Variants in SLC13A1 observed in about 807,000 individuals in gnomAD.
SLC13A1 encodes Na(+)/sulfate cotransporter.
A neutral mutation model predicts 70.0 loss-of-function variants in SLC13A1; 65 were observed. The observed-to-expected ratio is 0.93, with a 90% CI of 0.76 to 1.14. The LOEUF (loss-of-function observed/expected upper bound fraction) is 1.14. Ranked by LOEUF, SLC13A1 falls within the 50% of genes most tolerant of loss-of-function variation. SLC13A1 has a pLI of 0.00. For missense variants in SLC13A1, 726 were observed against 717.8 expected, an observed-to-expected ratio of 1.01 and a Z score of -0.13; for synonymous variants, 275 against 250.5, an observed-to-expected ratio of 1.10 and a Z score of -0.92.
chr7:123,173,852 T>A (rs571396923), intron 2 of SLC13A1, among the ~76,000 whole-genome samples: 3 of 152,046 alleles, frequency 2.0e-5, no homozygotes, highest in Non-Finnish European at 4.4e-5. Context: ...TGAGCTCTTA[T>A]ATCCCAATTT....
chr7:123,170,191 C>A (rs536071620), intron 3 of SLC13A1, among the ~76,000 whole-genome samples: 6 of 152,108 alleles, frequency 3.9e-5, no homozygotes, highest in Non-Finnish European at 8.8e-5. Flanking sequence ...ATGAAATAAT[C>A]TGACACCCTT....
chr7:123,181,518 T>A (rs1309759952), intron 1 of SLC13A1, among the ~76,000 whole-genome samples: 2 of 152,102 alleles, frequency 1.3e-5, no homozygotes, highest in African/African-American at 2.4e-5. Context: ...ATGCATTCCT[T>A]GGTGCCTGGT....
At chr7:123,137,471 C>T (rs1162587284) in intron 7 of SLC13A1, among the ~76,000 whole-genome samples, 2 of 152,172 alleles carry the variant, frequency 1.3e-5, no homozygotes, top group Non-Finnish European at 2.9e-5. Context: ...AAGAGAGTTT[C>T]CTGCTGGCCT....
Position 123,136,010 on chromosome 7 carries a change from G to T in SLC13A1, c.813-1481C>A, listed in dbSNP as rs556383227. Among the ~76,000 whole-genome samples, 3 of 152,262 alleles carry T rather than the reference G, an allele frequency of 2.0e-5. No homozygotes were observed. In the South Asian group the frequency reaches 6.2e-4, roughly 32 times the overall value. Reference sequence around the variant, plus strand: ...CTCCAATTGGAAAATAAAGTAATGGGAGAAAAGCTGATTTCCCATTAACAT... The same window carrying T: ...CTCCAATTGGAAAATAAAGTAATGGTAGAAAAGCTGATTTCCCATTAACAT... On this transcript the variant is annotated intron_variant, in intron 7 of 14. Coordinates refer to ENST00000194130, the MANE Select transcript of SLC13A1 (RefSeq NM_022444.4).
chr7:123,117,535 A>G lies in SLC13A1; in HGVS notation c.1586T>C (p.Leu529Pro). 1 of 1,612,270 alleles carries G rather than the reference A, an allele frequency of 6.2e-7. No homozygotes were observed. The highest frequency in any genetic ancestry group is 8.5e-7 in the Non-Finnish European group (1 of 1,178,434). ...STLCTSFAFLLPVANPPNAIV... is the reference protein window; with the variant it reads ...STLCTSFAFLPPVANPPNAIV... The stretch of plus-strand genomic sequence containing the variant: ...AGCATTGGGTGGATTTGCTACTGGT[A>G]GGAGGAATGCAAATGAAGTACACAG... The change falls in exon 14 of 15, where the codon CTA (leucine) becomes CCA (proline). Residue 529 changes from leucine (L) to proline (P), a missense_variant. Physicochemically the swap from Leu to Pro is moderately conservative, Grantham distance 98 (BLOSUM62 -3). Transcript: ENST00000194130.
intron 11 of SLC13A1, among the ~76,000 whole-genome samples, chr7:123,125,057 C>G (rs760172185): frequency 7.2e-5 from 11 of 152,128 alleles, no homozygotes; most frequent in Non-Finnish European, 1.2e-4. Flanking sequence ...GCTGTGATTG[C>G]AGGTGTGAGC....
chr7:123,169,980 A>G (rs919685142), intron 3 of SLC13A1, among the ~76,000 whole-genome samples: 1 of 152,290 alleles, frequency 6.6e-6, no homozygotes, highest in African/African-American at 2.4e-5. Flanking sequence ...TATTGTCAAG[A>G]TCTGGACACA....
chr7:123,125,600 T>C lies in SLC13A1; in HGVS notation c.1209A>G (p.Thr403=). The change falls in exon 11 of 15, where the codon ACA becomes ACG. Residue 403 remains threonine (T), a synonymous_variant. Transcript: ENST00000194130. ...GLLFFLIPAK[T]LTKTTPTGEI... is the part of the protein sequence containing the mutation. Reference sequence around the variant, plus strand: ...CTCCTGTAGGTGTAGTTTTAGTCAGTGTCTTAGCTGGGATAAGAAAGAATA... The same window carrying C: ...CTCCTGTAGGTGTAGTTTTAGTCAGCGTCTTAGCTGGGATAAGAAAGAATA... The C allele has an allele frequency of 6.2e-7, 1 of 1,612,738 alleles. No individual in the cohort carries two copies. The highest frequency in any genetic ancestry group is 8.5e-7 in the Non-Finnish European group (1 of 1,179,268).
rs761328522 is a variant in SLC13A1, at chr7:123,149,017, TTA to T, written c.661-1709_661-1708del. Among the ~76,000 whole-genome samples the T allele has an allele frequency of 2.2e-4, 34 of 152,282 alleles. 1 individual carries two copies. The highest frequency in any genetic ancestry group is 6.8e-3 in the Middle Eastern group (2 of 294). ...ATCTGGTGGGCAATTTTATGAGATT[TTA>T]TGAGACTCCTATTATCCAAATAAGA... On this transcript the variant is annotated intron_variant, in intron 6 of 14. Transcript: ENST00000194130.
chr7:123,175,695 T>C (rs991524948), intron 2 of SLC13A1, among the ~76,000 whole-genome samples: 3 of 152,176 alleles, frequency 2.0e-5, no homozygotes, highest in Non-Finnish European at 2.9e-5. Context: ...TAAATATCTG[T>C]TGTTTATTTA....
At chr7:123,156,024 A>G (rs530483966) in intron 6 of SLC13A1, among the ~76,000 whole-genome samples, 43 of 152,252 alleles carry the variant, frequency 2.8e-4, no homozygotes, top group African/African-American at 1.0e-3. Flanking sequence ...TTGAGGAAGA[A>G]AGTAGAAGAT....
At chr7:123,178,854 C>T (rs780686777) in intron 2 of SLC13A1, among the ~76,000 whole-genome samples, 1 of 152,104 alleles carries the variant, frequency 6.6e-6, no homozygotes, top group Non-Finnish European at 1.5e-5. Context: ...ATAGGGAAGA[C>T]GATAGGCTCA....
At chr7:123,168,588 C>T in intron 4 of SLC13A1, 27 bp from the exon 5 acceptor site, 2 of 1,534,346 alleles carry the variant, frequency 1.3e-6, no homozygotes, top group South Asian at 2.3e-5. Flanking sequence ...AAAAGAAAAA[C>T]AATTTAAATA....
chr7:123,153,366 T>C (rs190852365), intron 6 of SLC13A1, among the ~76,000 whole-genome samples: 262 of 152,224 alleles, frequency 1.7e-3, no homozygotes, highest in Non-Finnish European at 3.0e-3. Flanking sequence ...AACACTAATA[T>C]ATCATAATGC....
rs1283232659 is a variant in SLC13A1, at chr7:123,113,555, T to C, written c.*1963A>G. Reference sequence around the variant, plus strand: ...ATTATAATTTGAAAAGTCATTTTATTTTTTCATAATAAAAATGCATCCATG... The same window carrying C: ...ATTATAATTTGAAAAGTCATTTTATCTTTTCATAATAAAAATGCATCCATG... On this transcript the variant is annotated 3_prime_UTR_variant, in exon 15 of 15. Transcript: ENST00000194130. 1 of 152,200 alleles carries C rather than the reference T, an allele frequency of 6.6e-6. No homozygotes were observed. The highest frequency in any genetic ancestry group is 1.5e-5 in the Non-Finnish European group (1 of 68,044). 9.4% of individuals were successfully genotyped at this position (152,200 alleles called of 1,614,324 possible).
intron 6 of SLC13A1, among the ~76,000 whole-genome samples, chr7:123,154,989 G>T (rs375373867): frequency 6.6e-6 from 1 of 152,086 alleles, no homozygotes; most frequent in African/African-American, 2.4e-5. Context: ...GAGTAGTGCT[G>T]CTGGGGAGAA....
intron 13 of SLC13A1, 57 bp from the exon 14 acceptor site, chr7:123,117,665 T>TAAA: frequency 4.6e-6 from 4 of 865,666 alleles, no homozygotes; most frequent in Non-Finnish European, 6.5e-6. Context: ...ACACGAAACA[T>TAAA]AAAAAAAAAA....
At position 123,129,001 on chromosome 7, in the gene SLC13A1, A is replaced by G. The variant is rs989957567; in HGVS notation, c.1032-55T>C. On this transcript the variant is annotated intron_variant, in intron 9 of 14. Coordinates refer to ENST00000194130, the MANE Select transcript of SLC13A1 (RefSeq NM_022444.4). ...TTATTTTCTCAGTCGGGACATTTGT[A>G]GAAACTCCTTGAGCTATTGTCAGGA... 7 of 1,161,390 alleles carry G rather than the reference A, an allele frequency of 6.0e-6. No homozygotes were observed. The African/African-American group carries it at 1.1e-4, about 18-fold the overall frequency. 71.9% of individuals were successfully genotyped at this position (1,161,390 alleles called of 1,614,324 possible). A position where few individuals can be genotyped will look rare whatever the true frequency, so the allele number is the denominator to read the frequency against.
At chr7:123,186,688 C>G (rs1221998736) in intron 1 of SLC13A1, 2 of 453,164 alleles carry the variant, frequency 4.4e-6, no homozygotes, top group Non-Finnish European at 8.9e-6. Context: ...TCCTCCCCCA[C>G]AACCTACCCC....
Sources: gnomAD v4.1 joint callset for allele counts (sites outside exome capture counted in the v4.1 genomes callset) on GRCh38, gnomAD v4.1.1 for gene constraint, MANE v1.5 for transcripts, NCBI Gene and HGNC (gene_info 2026-07-23, HGNC 2026-07-21) for gene names.